KIAA0930: variants seen among roughly 807,000 people sequenced by gnomAD.
KIAA0930 encodes the protein uncharacterized protein KIAA0930.
In KIAA0930, 24 loss-of-function variants were observed where a neutral mutation model predicts 43.9. The observed-to-expected ratio is 0.55, with a 90% CI of 0.40 to 0.77. KIAA0930 has a LOEUF of 0.77. Among genes scored for constraint, KIAA0930 ranks in the 30% least tolerant of loss-of-function variants. KIAA0930 has a pLI of 0.00. For missense variants in KIAA0930, 461 were observed against 574.2 expected (o/e 0.80, Z 2.02); for synonymous variants, 259 against 216.4 (o/e 1.20, Z -1.73).
At chr22:45,236,725 T>TC (rs905021391) in intron 1 of KIAA0930, among the ~76,000 whole-genome samples, 2 of 151,066 alleles carry the variant, frequency 1.3e-5, no homozygotes, top group African/African-American at 2.4e-5. Flanking sequence ...GCACCTTACT[T>TC]CCCCCCAACC....
chr22:45,197,223 C>A lies in KIAA0930; in HGVS notation c.1175-7G>T. ...TGCCGAACTTCCAGGATGTCTAGGG[C>A]CGGCAGGAGGGAAGCAGGTGAAACA... is the stretch of plus-strand genomic sequence containing the variant. On this transcript the variant is annotated splice_polypyrimidine_tract_variant and splice_region_variant and intron_variant, in intron 9 of 9. Transcript: ENST00000336156. 1.3e-6 allele frequency: 2 copies of A among 1,549,910 alleles called. No homozygotes were observed. Among genetic ancestry groups the A allele is most frequent in the Non-Finnish European group, 8.7e-7 (1 of 1,146,114 alleles).
intron 1 of KIAA0930, among the ~76,000 whole-genome samples, chr22:45,233,504 G>A (rs1569085704): frequency 6.6e-6 from 1 of 152,282 alleles, no homozygotes; most frequent in South Asian, 2.1e-4. Flanking sequence ...AGCCATAAAG[G>A]CCCAGAGGCG....
intron 1 of KIAA0930, among the ~76,000 whole-genome samples, chr22:45,224,797 G>A (rs1304525728): frequency 6.6e-6 from 1 of 152,186 alleles, no homozygotes; most frequent in African/African-American, 2.4e-5. Flanking sequence ...AGGCCAGGAT[G>A]GTGGATCAGC....
chr22:45,204,067 G>T (rs1011579118), intron 5 of KIAA0930, 82 bp from the exon 6 acceptor site: 19 of 1,579,912 alleles, frequency 1.2e-5, no homozygotes, highest in Admixed American at 1.7e-5. Context: ...TGGCAGGGAG[G>T]GCTGCTCAGA....
intron 7 of KIAA0930, chr22:45,202,706 A>C (rs2083599661): frequency 3.0e-6 from 1 of 330,470 alleles, no homozygotes. Flanking sequence ...AGGGAGGCAG[A>C]AAGAGCTCTG....
In KIAA0930 at chr22:45,209,303, C is replaced by T. The variant is rs983055356; in HGVS notation, c.216+2653G>A. ...CCGCGGGTCCCCCACCTCCACCGAG[C>T]GCTCAGGGCTTTTGCCAGGGGGGGT... On this transcript the variant is annotated intron_variant, in intron 2 of 9. Transcript: ENST00000336156. 6.5e-5 allele frequency among the ~76,000 whole-genome samples: 9 copies of T among 138,458 alleles called. 1 individual carries two copies. The East Asian group carries it at 8.4e-4, about 13-fold the overall frequency. The allele number at this position is 138,458 out of a possible 152,430, so 90.8% of individuals were successfully genotyped here. A position where few individuals can be genotyped will look rare whatever the true frequency, so the allele number is the denominator to read the frequency against.
At position 45,207,306 on chromosome 22, in the gene KIAA0930, C is replaced by T. The variant is rs376971524; in HGVS notation, c.217-1394G>A. 4.7e-5 allele frequency among the ~76,000 whole-genome samples: 7 copies of T among 147,410 alleles called. No individual in the cohort carries two copies. In the East Asian group the frequency reaches 6.0e-4, roughly 13 times the overall value. ...GATTACAGGCATGAGCCACTGCACCCGGCCTCAATTTATTTCTTATTTTTT... is the reference window on the plus strand; with the variant it reads ...GATTACAGGCATGAGCCACTGCACCTGGCCTCAATTTATTTCTTATTTTTT... On this transcript the variant is annotated intron_variant, in intron 2 of 9. Transcript: ENST00000336156.
At chr22:45,201,849 A>G (rs1027717565) in intron 7 of KIAA0930, among the ~76,000 whole-genome samples, 1 of 152,114 alleles carries the variant, frequency 6.6e-6, no homozygotes, top group Admixed American at 6.6e-5. Flanking sequence ...TAACAAACGC[A>G]CACTCCCTCA....
At chr22:45,203,383 G>A (rs1027824669) in intron 6 of KIAA0930, among the ~76,000 whole-genome samples, 199 bp from the exon 7 acceptor site, 12 of 152,118 alleles carry the variant, frequency 7.9e-5, no homozygotes, top group Non-Finnish European at 1.3e-4. Context: ...CCCTCCCACC[G>A]CCCCATGAAC....
rs2083510029 is a variant in KIAA0930, at chr22:45,193,625, G to A, written c.*3551C>T. ...TCACAGTCCATAAGAATCCAAAAGT[G>A]AGCGGCGACTTCACTCAGCAACCCA... On this transcript the variant is annotated 3_prime_UTR_variant, in exon 10 of 10. Transcript: ENST00000336156. The A allele has an allele frequency of 6.6e-6, 1 of 152,190 alleles. No homozygotes were observed. Among genetic ancestry groups the A allele is most frequent in the African/African-American group, 2.4e-5 (1 of 41,438 alleles). 9.4% of individuals were successfully genotyped at this position (152,190 alleles called of 1,614,324 possible).
In KIAA0930 at chr22:45,200,011, T is replaced by TG; in HGVS notation, c.876dup (p.Thr293HisfsTer26). The stretch of plus-strand genomic sequence containing the variant: ...GCAGGCCGGTTGTTCCGTTCTGGGG[T>TG]GGGGGGTGTGCTGAAGGAGGTCACC... On this transcript the variant is annotated frameshift_variant, in exon 8 of 10. Coordinates refer to ENST00000336156, the MANE Select transcript of KIAA0930 (RefSeq NM_001009880.2). LOFTEE classifies it high-confidence loss of function. 6.3e-7 allele frequency: 1 copy of TG among 1,596,500 alleles called. No individual in the cohort carries two copies. Among genetic ancestry groups the TG allele is most frequent in the Non-Finnish European group, 8.5e-7 (1 of 1,171,700 alleles).
rs2083502812 is a variant in KIAA0930 at position 45,192,989 on chromosome 22, T to C, written c.*4187A>G. 1 of 152,240 alleles carries C rather than the reference T, an allele frequency of 6.6e-6. No individual in the cohort carries two copies. Among genetic ancestry groups the C allele is most frequent in the Admixed American group, 6.5e-5 (1 of 15,288 alleles). The allele number at this position is 152,240 out of a possible 1,614,324, so 9.4% of individuals were successfully genotyped here. ...GGTCATCTGCAGAGTCACGTGGCAC[T>C]CTGGCCACTGCTGAAGAGCTGCTCT... On this transcript the variant is annotated 3_prime_UTR_variant, in exon 10 of 10. Transcript: ENST00000336156.
chr22:45,205,274 C>A lies in KIAA0930; in HGVS notation c.459G>T (p.Gly153=). The A allele has an allele frequency of 6.2e-7, 1 of 1,614,184 alleles. No individual in the cohort carries two copies. The highest frequency in any genetic ancestry group is 8.5e-7 in the Non-Finnish European group (1 of 1,180,018). ...TGGGGTAGCTGATCTTGGACTCCTC[C>A]CCCTTGCTGTCCATGGGGTGTTTAC... ...SPSKHPMDSK[G]EESKISYPNI... The change falls in exon 5 of 10, where the codon GGG becomes GGT. Residue 153 remains glycine, a synonymous_variant. Coordinates refer to ENST00000336156, the MANE Select transcript of KIAA0930 (RefSeq NM_001009880.2).
At chr22:45,213,633 CTTT>C in intron 1 of KIAA0930, 2 of 379,086 alleles carry the variant, frequency 5.3e-6, no homozygotes, top group Non-Finnish European at 8.2e-6. Context: ...AACTTCAATT[CTTT>C]TTTACTTCCT....
chr22:45,226,023 GGCAGGGCGTCCGGGGCCCAGC>G (rs1167252444), intron 1 of KIAA0930: 6 of 284,384 alleles, frequency 2.1e-5, no homozygotes, highest in Non-Finnish European at 2.9e-5. Flanking sequence ...GCCCTTTGCT[GGCAGGGCGTCCGGGGCCCAGC>G]GCAGGGCAGT....
chr22:45,201,276 C>G (rs375232577), intron 7 of KIAA0930, among the ~76,000 whole-genome samples: 279 of 152,358 alleles, frequency 1.8e-3, no homozygotes, highest in South Asian at 8.1e-3. Context: ...ATAGCAGGCG[C>G]ACAGGCGGCA....
chr22:45,209,499 C>T (rs191058893), intron 2 of KIAA0930, among the ~76,000 whole-genome samples: 1 of 152,326 alleles, frequency 6.6e-6, no homozygotes, highest in African/African-American at 2.4e-5. Context: ...ACTCGTCACA[C>T]ACCCTCCCAC....
intron 2 of KIAA0930, among the ~76,000 whole-genome samples, chr22:45,210,640 C>A (rs2083684306): frequency 6.6e-6 from 1 of 152,220 alleles, no homozygotes. Context: ...TACACCCAGA[C>A]AGGGCGGGCG....
In KIAA0930 at chr22:45,230,580, CTTTT is replaced by C. The variant is rs796595254; in HGVS notation, c.64+10056_64+10059del. Among the ~76,000 whole-genome samples, 949 of 128,654 alleles carry C rather than the reference CTTTT, an allele frequency of 7.4e-3. 6 individuals are homozygous for C. The highest frequency in any genetic ancestry group is 0.026 in the African/African-American group (888 of 34,600). 84.4% of individuals were successfully genotyped at this position (128,654 alleles called of 152,430 possible). On this transcript the variant is annotated intron_variant, in intron 1 of 9. Coordinates refer to ENST00000336156, the MANE Select transcript of KIAA0930 (RefSeq NM_001009880.2). ...CCAGTTTATTACCCCAGATCACATT[CTTTT>C]TTTTTTTTTTTTTTTGAGACGATGT...
Sources: gnomAD v4.1 joint callset for allele counts (sites outside exome capture counted in the v4.1 genomes callset) on GRCh38, gnomAD v4.1.1 for gene constraint, MANE v1.5 for transcripts, NCBI Gene and HGNC (gene_info 2026-07-23, HGNC 2026-07-21) for gene names.